Variants in GRID2 observed in about 807,000 individuals in gnomAD.
GRID2 encodes the protein glutamate ionotropic receptor delta type subunit 2.
Under a neutral mutation model 114.8 loss-of-function variants are expected in GRID2, and 33 were observed. That is an observed-to-expected ratio of 0.29 (90% CI 0.22 to 0.38). GRID2 has a LOEUF of 0.38. GRID2 is among the 10% of genes least tolerant of loss of function. GRID2 has a pLI of 1.00. For synonymous variants in GRID2, 505 were observed against 449.9 expected, an observed-to-expected ratio of 1.12 and a Z score of -1.55; for missense variants, 1,184 against 1,257.7, an observed-to-expected ratio of 0.94 and a Z score of 0.89.
chr4:93,015,041 A>G (rs1722543119), intron 2 of GRID2, among the ~76,000 whole-genome samples: 1 of 152,180 alleles, frequency 6.6e-6, no homozygotes, highest in African/African-American at 2.4e-5. Flanking sequence ...TAAATGACCA[A>G]CAGAATTTGT....
chr4:93,461,580 A>C (rs1369295587), intron 11 of GRID2, among the ~76,000 whole-genome samples: 1 of 152,156 alleles, frequency 6.6e-6, no homozygotes, highest in African/African-American at 2.4e-5. Context: ...AAAATGTTAA[A>C]TATATGTGAG....
chr4:93,616,831 A>G (rs1429080064), intron 13 of GRID2, among the ~76,000 whole-genome samples: 1 of 151,342 alleles, frequency 6.6e-6, no homozygotes, highest in Non-Finnish European at 1.5e-5. Context: ...TCTCTACTAA[A>G]CAAAATACAA....
At chr4:92,738,533 A>G (rs566026372) in intron 2 of GRID2, among the ~76,000 whole-genome samples, 2 of 152,268 alleles carry the variant, frequency 1.3e-5, no homozygotes, top group East Asian at 3.9e-4. Context: ...TCTAAGTTAC[A>G]TTTTAATTTT....
intron 4 of GRID2, among the ~76,000 whole-genome samples, chr4:93,185,493 A>G (rs1740315677): frequency 6.6e-6 from 1 of 152,216 alleles, no homozygotes; most frequent in Non-Finnish European, 1.5e-5. Flanking sequence ...GGTCAGCAAC[A>G]TGGGAAGCTG....
chr4:92,618,600 A>G (rs940661481), intron 2 of GRID2, among the ~76,000 whole-genome samples: 1 of 151,740 alleles, frequency 6.6e-6, no homozygotes, highest in South Asian at 2.1e-4. Context: ...AAATATGGTC[A>G]TTTTAGCAAT....
At chr4:92,473,104 C>A (rs1414800311) in intron 1 of GRID2, among the ~76,000 whole-genome samples, 2 of 151,988 alleles carry the variant, frequency 1.3e-5, no homozygotes, top group Non-Finnish European at 2.9e-5. Flanking sequence ...GATCAAAATT[C>A]ATTTTTTTGC....
intron 8 of GRID2, among the ~76,000 whole-genome samples, chr4:93,261,654 A>G (rs923900182): frequency 6.6e-6 from 1 of 151,866 alleles, no homozygotes; most frequent in Non-Finnish European, 1.5e-5. Flanking sequence ...AATATATTAT[A>G]AAGAGAGGAG....
chr4:93,562,576 G>C (rs753494528), intron 13 of GRID2, among the ~76,000 whole-genome samples: 1 of 151,952 alleles, frequency 6.6e-6, no homozygotes, highest in African/African-American at 2.4e-5. Context: ...TTTGGATTAT[G>C]CCTTTGGTAG....
At chr4:92,495,695 T>C (rs981524496) in intron 1 of GRID2, among the ~76,000 whole-genome samples, 1 of 151,520 alleles carries the variant, frequency 6.6e-6, no homozygotes, top group Non-Finnish European at 1.5e-5. Context: ...TATAAAAATA[T>C]AATGTAATAT....
At chr4:93,485,202 G>C (rs1399629543) in intron 11 of GRID2, among the ~76,000 whole-genome samples, 2 of 151,486 alleles carry the variant, frequency 1.3e-5, no homozygotes, top group South Asian at 2.1e-4. Flanking sequence ...TTGGCCATTG[G>C]TTATCTTCTT....
At chr4:93,250,844 T>C (rs1452756353) in intron 8 of GRID2, among the ~76,000 whole-genome samples, 1 of 151,180 alleles carries the variant, frequency 6.6e-6, no homozygotes, top group East Asian at 1.9e-4. Context: ...AACATTCTGT[T>C]TGAAAACTGG....
At position 92,923,236 on chromosome 4, in the gene GRID2, C is replaced by G. The variant is rs72883978; in HGVS notation, c.245-161759C>G. On this transcript the variant is annotated intron_variant, in intron 2 of 15. Transcript: ENST00000282020. The stretch of plus-strand genomic sequence containing the variant: ...GTCAGGAAATTGAAGTATATACTAT[C>G]AGTGATGTTTGTAAGTTTTTTATCA... Among the ~76,000 whole-genome samples, 647 of 152,192 alleles carry G rather than the reference C, an allele frequency of 4.3e-3. 8 individuals carry two copies. Among genetic ancestry groups the G allele is most frequent in the African/African-American group, 0.015 (607 of 41,542 alleles).
chr4:92,799,602 T>C (rs1012606565), intron 2 of GRID2, among the ~76,000 whole-genome samples: 13 of 151,932 alleles, frequency 8.6e-5, no homozygotes, highest in African/African-American at 2.9e-4. Context: ...TTTTTATACA[T>C]TTCCTCTTCT....
chr4:92,695,427 A>G (rs1032535193), intron 2 of GRID2, among the ~76,000 whole-genome samples: 1 of 152,200 alleles, frequency 6.6e-6, no homozygotes, highest in African/African-American at 2.4e-5. Flanking sequence ...TAAGAAAACT[A>G]TTCATTCCTT....
At chr4:92,477,147 T>C (rs1722360620) in intron 1 of GRID2, among the ~76,000 whole-genome samples, 1 of 151,184 alleles carries the variant, frequency 6.6e-6, no homozygotes, top group South Asian at 2.1e-4. Flanking sequence ...CTTTTAAGAA[T>C]GGAAGAATAT....
intron 4 of GRID2, among the ~76,000 whole-genome samples, chr4:93,163,145 G>T (rs531842354): frequency 6.6e-6 from 1 of 151,268 alleles, no homozygotes; most frequent in African/African-American, 2.4e-5. Context: ...AAATATCTTA[G>T]AATTAATATT....
chr4:92,734,217 A>C (rs1242373040), intron 2 of GRID2, among the ~76,000 whole-genome samples: 1 of 152,116 alleles, frequency 6.6e-6, no homozygotes, highest in African/African-American at 2.4e-5. Flanking sequence ...AAATTACTTA[A>C]CTTTCTTAAG....
chr4:93,354,018 C>T (rs1375767095), intron 8 of GRID2, among the ~76,000 whole-genome samples: 1 of 136,900 alleles, frequency 7.3e-6, no homozygotes, highest in Non-Finnish European at 1.5e-5. Flanking sequence ...CACAAGCACA[C>T]ACATGCACAC....
chr4:93,684,315 A>G (rs1725878970), intron 14 of GRID2, among the ~76,000 whole-genome samples: 1 of 152,152 alleles, frequency 6.6e-6, no homozygotes, highest in Non-Finnish European at 1.5e-5. Flanking sequence ...CTGCTTTTGA[A>G]GATTACATTA....
Sources: allele counts gnomAD v4.1 joint callset (sites outside exome capture counted in the v4.1 genomes callset), GRCh38; gene constraint gnomAD v4.1.1; transcripts MANE v1.5; gene names NCBI Gene and HGNC (gene_info 2026-07-23, HGNC 2026-07-21).